Variants in SLC36A1 observed in about 807,000 individuals in gnomAD.
SLC36A1 encodes the protein solute carrier family 36 member 1, also known as proton-coupled amino acid transporter 1.
In SLC36A1, 30 loss-of-function variants were observed where a neutral mutation model predicts 47.5. That is an observed-to-expected ratio of 0.63 (90% CI 0.47 to 0.86). SLC36A1 has a LOEUF of 0.86. SLC36A1 is among the 40% of genes least tolerant of loss of function. The pLI is 0.00. For synonymous variants in SLC36A1, 255 were observed against 249.7 expected, an observed-to-expected ratio of 1.02 and a Z score of -0.20; for missense variants, 517 against 606.0, an observed-to-expected ratio of 0.85 and a Z score of 1.54.
intron 7 of SLC36A1, among the ~76,000 whole-genome samples, chr5:151,472,240 G>A (rs1757411186): frequency 6.6e-6 from 1 of 152,264 alleles, no homozygotes; most frequent in South Asian, 2.1e-4. Flanking sequence ...TGATGTTCAA[G>A]GGCAGGAAGT....
At chr5:151,367,299 T>C in the SLC36A1 span, among the ~76,000 whole-genome samples, 1 of 149,740 alleles carries the variant, frequency 6.7e-6, no homozygotes, top group East Asian at 1.9e-4. Context: ...TCAGTCCTTA[T>C]CTCAACGGCA....
chr5:151,475,714 A>T (rs141548784), intron 8 of SLC36A1, among the ~76,000 whole-genome samples: 1 of 152,242 alleles, frequency 6.6e-6, no homozygotes, highest in African/African-American at 2.4e-5. Context: ...CAGCAGGATC[A>T]TGTTGGTGTG....
intron 3 of SLC36A1, 28 bp from the exon 4 acceptor site, chr5:151,464,486 C>G (rs1170029242): frequency 1.3e-6 from 2 of 1,596,442 alleles, no homozygotes; most frequent in East Asian, 2.2e-5. Flanking sequence ...TTTTCTCTCT[C>G]TCTTTTGCCT....
chr5:151,465,013 C>A, intron 4 of SLC36A1, 61 bp from the exon 5 acceptor site: 2 of 1,361,676 alleles, frequency 1.5e-6, no homozygotes, highest in South Asian at 1.2e-5. Context: ...TCTTTTTGTT[C>A]TGTCATTGTC....
chr5:151,531,551 C>T, the SLC36A1 span: 12 of 1,609,484 alleles, frequency 7.5e-6, no homozygotes, highest in South Asian at 1.1e-5. The surrounding 1 kb of genome is among the most constrained non-coding windows in gnomAD (Gnocchi z 5.7). Flanking sequence ...AAACCCTGTA[C>T]GCGATGCTTT....
intron 2 of SLC36A1, among the ~76,000 whole-genome samples, chr5:151,461,772 T>G (rs357610): frequency 0.46 from 69,885 of 152,038 alleles, 17,181 homozygotes; most frequent in South Asian, 0.68. Flanking sequence ...TTGCACTTAA[T>G]AATGTCTTTG....
At chr5:151,540,249 C>T in the SLC36A1 span, among the ~76,000 whole-genome samples, 1 of 152,164 alleles carries the variant, frequency 6.6e-6, no homozygotes, top group Non-Finnish European at 1.5e-5. Flanking sequence ...CTAGAATGGT[C>T]CCTGCCCCTG....
chr5:151,476,936 A>G, intron 9 of SLC36A1, 180 bp downstream of exon 9: 2 of 779,998 alleles, frequency 2.6e-6, no homozygotes, highest in Non-Finnish European at 4.4e-6. Context: ...TGGGGAATTC[A>G]TGTAGAGCCT....
chr5:151,554,288 C>T, the SLC36A1 span: 1 of 1,397,432 alleles, frequency 7.2e-7, no homozygotes, highest in African/African-American at 1.4e-5. Context: ...CTGTCTCCCT[C>T]CTCCTGAATT....
At chr5:151,397,905 C>T in the SLC36A1 span, among the ~76,000 whole-genome samples, 1 of 151,910 alleles carries the variant, frequency 6.6e-6, no homozygotes, top group Non-Finnish European at 1.5e-5. Flanking sequence ...TCGCTTGAGT[C>T]CAGGAGTTTG....
intron 9 of SLC36A1, chr5:151,477,020 C>T: frequency 1.7e-6 from 1 of 586,686 alleles, no homozygotes; most frequent in East Asian, 3.6e-5. Context: ...CTCAGAAGGA[C>T]CGAGTATCTA....
the SLC36A1 span, among the ~76,000 whole-genome samples, chr5:151,352,395 A>G: frequency 0.12 from 18,798 of 152,208 alleles, 1,677 homozygotes; most frequent in East Asian, 0.38. Context: ...AAAATATTCA[A>G]TGAATGAATG....
At chr5:151,500,500 T>C in the SLC36A1 span, among the ~76,000 whole-genome samples, 5 of 152,188 alleles carry the variant, frequency 3.3e-5, no homozygotes, top group African/African-American at 1.2e-4. Flanking sequence ...CCTGAGTAGC[T>C]GGGATTACAG....
At chr5:151,507,494 A>G in the SLC36A1 span, 1 of 1,614,024 alleles carries the variant, frequency 6.2e-7, no homozygotes, top group Non-Finnish European at 8.5e-7. Flanking sequence ...TGCTTATGAT[A>G]ATGAACGCCA....
chr5:151,442,225 TA>T (rs767421497), intron 1 of SLC36A1, among the ~76,000 whole-genome samples: 62 of 152,192 alleles, frequency 4.1e-4, no homozygotes, highest in Non-Finnish European at 6.6e-4. Flanking sequence ...TTATAGATAG[TA>T]AAATTGTAAC....
downstream of SLC36A1, among the ~76,000 whole-genome samples, chr5:151,496,181 A>G (rs1345461566): frequency 6.6e-6 from 1 of 152,060 alleles, no homozygotes; most frequent in Non-Finnish European, 1.5e-5. Context: ...AAGTCTCACG[A>G]GATCTGATGG....
upstream of SLC36A1, among the ~76,000 whole-genome samples, chr5:151,433,221 CATATATATATATATATAT>C (rs1370126169): frequency 0.01 from 179 of 17,356 alleles, 3 homozygotes; most frequent in African/African-American, 0.02. Flanking sequence ...TTCTGAATAA[CATATATATATATATATAT>C]ATATATATAT....
the SLC36A1 span, among the ~76,000 whole-genome samples, chr5:151,358,421 A>C: frequency 6.6e-6 from 1 of 152,022 alleles, no homozygotes; most frequent in Non-Finnish European, 1.5e-5. Context: ...ACAGGCATGC[A>C]CTACTGTGGC....
At chr5:151,517,337 C>A in the SLC36A1 span, among the ~76,000 whole-genome samples, 3 of 152,172 alleles carry the variant, frequency 2.0e-5, no homozygotes. Flanking sequence ...AAAATGATAA[C>A]GGCACCAGGG....
Sources: gnomAD v4.1 joint callset for allele counts (sites outside exome capture counted in the v4.1 genomes callset) on GRCh38, gnomAD v4.1.1 for gene constraint, Gnocchi (gnomAD v3.1) non-coding constraint, MANE v1.5 for transcripts, NCBI Gene and HGNC (gene_info 2026-07-23, HGNC 2026-07-21) for gene names.